ASB15: variants seen among roughly 807,000 people sequenced by gnomAD.
ASB15 encodes ankyrin repeat and SOCS box containing 15.
ASB15 carries 54 observed loss-of-function variants against 58.0 expected under a neutral mutation model. That is an observed-to-expected ratio of 0.93 (90% CI 0.75 to 1.17). The LOEUF (loss-of-function observed/expected upper bound fraction) is 1.17. Ranked by LOEUF, ASB15 falls within the 50% of genes most tolerant of loss-of-function variation. The pLI, the probability that ASB15 is intolerant of heterozygous loss-of-function variation, is 0.00. For missense variants in ASB15, 680 were observed against 707.4 expected, an observed-to-expected ratio of 0.96 and a Z score of 0.44; for synonymous variants, 249 against 262.4, an observed-to-expected ratio of 0.95 and a Z score of 0.50.
At position 123,617,724 on chromosome 7, in the gene ASB15, C is replaced by A; in HGVS notation, c.438C>A (p.Thr146=). 1 of 1,608,696 alleles carries A rather than the reference C, an allele frequency of 6.2e-7. No homozygotes were observed. Among genetic ancestry groups the A allele is most frequent in the Non-Finnish European group, 8.5e-7 (1 of 1,177,176 alleles). ...WPNTKNDKGE[T]PLLIAVKKGS... is the part of the protein sequence containing the mutation. Reference sequence around the variant, plus strand: ...ACACAAAAAATGATAAAGGAGAGACCCCCCTTCTGATTGGTAAATGACCTT... The same window carrying A: ...ACACAAAAAATGATAAAGGAGAGACACCCCTTCTGATTGGTAAATGACCTT... The change falls in exon 7 of 12, where the codon ACC becomes ACA. Residue 146 remains threonine, a synonymous_variant. Coordinates refer to ENST00000451215, the MANE Select transcript of ASB15 (RefSeq NM_001290258.2).
intron 4 of ASB15, among the ~76,000 whole-genome samples, chr7:123,614,826 A>G (rs74928344): frequency 0.051 from 7,786 of 152,326 alleles, 282 homozygotes; most frequent in Non-Finnish European, 0.08. Context: ...GAAAAACCCT[A>G]TGTGGAAAAT....
chr7:123,576,798 C>A (rs1393716743), intron 1 of ASB15, among the ~76,000 whole-genome samples: 1 of 152,192 alleles, frequency 6.6e-6, no homozygotes, highest in African/African-American at 2.4e-5. Context: ...TCTGCTGCCA[C>A]TAGGTTTTCT....
chr7:123,618,363 T>C (rs1207567401), intron 7 of ASB15, among the ~76,000 whole-genome samples: 1 of 152,172 alleles, frequency 6.6e-6, no homozygotes, highest in Non-Finnish European at 1.5e-5. Flanking sequence ...GAGATAACAT[T>C]TCCTTTCTCT....
intron 4 of ASB15, among the ~76,000 whole-genome samples, chr7:123,615,687 G>T (rs1330855232): frequency 1.3e-5 from 2 of 152,158 alleles, no homozygotes; most frequent in African/African-American, 4.8e-5. Flanking sequence ...TTGTGGAACA[G>T]TTGATTTAAA....
chr7:123,616,231 C>T lies in ASB15; in HGVS notation c.118C>T (p.Leu40=). 3 of 1,599,270 alleles carry T rather than the reference C, an allele frequency of 1.9e-6. No homozygotes were observed. The highest frequency in any genetic ancestry group is 2.6e-6 in the Non-Finnish European group (3 of 1,166,880). ...TTCTTTATCTCATAGATTTGTACCC[C>T]TAAGTGCTCAAAACAGAAAACTTGT... ...TALCPERFVP[L]SAQNRKLVEA... The change falls in exon 5 of 12, where the codon CTA becomes TTA. Residue 40 remains leucine, a synonymous_variant. Coordinates refer to ENST00000451215, the MANE Select transcript of ASB15 (RefSeq NM_001290258.2).
chr7:123,567,036 T>A lies in ASB15; in HGVS notation c.-495T>A, dbSNP rs534856658. On this transcript the variant is annotated 5_prime_UTR_variant, in exon 1 of 14. Coordinates refer to the ASB15 transcript ENST00000451558. ...ACCCTGGGTTCAGGCTTCTGCTGTA[T>A]CATATTTGCTAAAGACACCAAAACT... 2.6e-5 allele frequency: 4 copies of A among 152,352 alleles called. No individual in the cohort carries two copies. In the South Asian group the frequency reaches 8.3e-4, roughly 32 times the overall value. 9.4% of individuals were successfully genotyped at this position (152,352 alleles called of 1,614,324 possible).
intron 1 of ASB15, among the ~76,000 whole-genome samples, chr7:123,575,026 G>A (rs941681694): frequency 2.7e-5 from 4 of 149,558 alleles, no homozygotes; most frequent in Admixed American, 2.7e-4. Flanking sequence ...CAATGAGTTA[G>A]GCTTACTTGC....
At chr7:123,586,538 G>C (rs1187169154) in intron 1 of ASB15, among the ~76,000 whole-genome samples, 1 of 151,568 alleles carries the variant, frequency 6.6e-6, no homozygotes, top group Non-Finnish European at 1.5e-5. Context: ...CCTTTGCTGT[G>C]CAGAAACTTT....
At position 123,618,913 on chromosome 7, in the gene ASB15, T is replaced by C. The variant is rs558388955; in HGVS notation, c.451+1176T>C. On this transcript the variant is annotated intron_variant, in intron 7 of 11. Transcript: ENST00000451215. Reference sequence around the variant, plus strand: ...CACATTGGCCAGGCGCGGTGGCTCATGCCTGTAATCCCAGCACTTTGGGAG... The same window carrying C: ...CACATTGGCCAGGCGCGGTGGCTCACGCCTGTAATCCCAGCACTTTGGGAG... 5.3e-4 allele frequency among the ~76,000 whole-genome samples: 80 copies of C among 152,080 alleles called. 1 individual carries two copies. Among genetic ancestry groups the C allele is most frequent in the East Asian group, 2.5e-3 (13 of 5,172 alleles).
chr7:123,574,660 T>C (rs1386172469), intron 1 of ASB15, among the ~76,000 whole-genome samples: 1 of 152,114 alleles, frequency 6.6e-6, no homozygotes, highest in Admixed American at 6.6e-5. Flanking sequence ...TGAACCTCAT[T>C]CTACTTGCCA....
In ASB15 at chr7:123,616,236, T is replaced by C. The variant is rs751460710; in HGVS notation, c.123T>C (p.Ser41=). 1.2e-6 allele frequency: 2 copies of C among 1,602,222 alleles called. No homozygotes were observed. The highest frequency in any genetic ancestry group is 2.2e-5 in the South Asian group (2 of 90,790). ...TATCTCATAGATTTGTACCCCTAAG[T>C]GCTCAAAACAGAAAACTTGTGGAGG... The part of the protein sequence containing the change: ...ALCPERFVPL[S]AQNRKLVEAI... The change falls in exon 5 of 12, where the codon AGT becomes AGC. Residue 41 remains serine, a synonymous_variant. Coordinates refer to ENST00000451215, the MANE Select transcript of ASB15 (RefSeq NM_001290258.2).
Position 123,624,627 on chromosome 7 carries a change from A to G in ASB15, c.510A>G (p.Leu170=). 2 of 1,613,792 alleles carry G rather than the reference A, an allele frequency of 1.2e-6. No homozygotes were observed. Among genetic ancestry groups the G allele is most frequent in the Non-Finnish European group, 1.7e-6 (2 of 1,179,670 alleles). Residue 170 remains leucine (L), a synonymous_variant, in exon 8 of 12, where the codon CTA becomes CTG. Transcript: ENST00000451215. ...VSTLIKHNTS[L]DQPCVKRWSA... ...CTCTGATCAAACATAACACTAGCCT[A>G]GACCAGCCCTGTGTCAAGCGATGGT...
intron 7 of ASB15, among the ~76,000 whole-genome samples, 189 bp downstream of exon 7, chr7:123,617,926 TG>T (rs1177633885): frequency 1.3e-5 from 2 of 152,218 alleles, no homozygotes; most frequent in Admixed American, 1.3e-4. Flanking sequence ...ATATGAAAGA[TG>T]GCTACATCCT....
At chr7:123,592,811 G>C (rs146545416) in intron 1 of ASB15, among the ~76,000 whole-genome samples, 11,058 of 151,128 alleles carry the variant, frequency 0.073, 456 homozygotes, top group African/African-American at 0.096. Flanking sequence ...CTGAATTCAA[G>C]TCCTGGATAT....
intron 4 of ASB15, among the ~76,000 whole-genome samples, chr7:123,614,917 A>G (rs1350803350): frequency 1.3e-5 from 2 of 152,020 alleles, no homozygotes; most frequent in African/African-American, 4.8e-5. Flanking sequence ...TAATTTGAAC[A>G]TATTTGCAAG....
At chr7:123,633,796 A>G (rs1159662245) in intron 11 of ASB15, among the ~76,000 whole-genome samples, 1 of 152,158 alleles carries the variant, frequency 6.6e-6, no homozygotes, top group Non-Finnish European at 1.5e-5. Flanking sequence ...GTTTTTGAGA[A>G]ATGGATGATT....
rs1801844081 is a variant in ASB15 at position 123,627,156 on chromosome 7, T to C, written c.744T>C (p.Phe248=). Residue 248 remains phenylalanine (F), a synonymous_variant, in exon 9 of 12, where the codon TTT becomes TTC. Transcript: ENST00000451215. ...ALADDGASVL[F]EAAGGGNPDC... Reference sequence around the variant, plus strand: ...CGGATGATGGGGCGTCGGTGCTGTTTGAGGCAGCAGGAGGTGGCAATCCCG... The same window carrying C: ...CGGATGATGGGGCGTCGGTGCTGTTCGAGGCAGCAGGAGGTGGCAATCCCG... 1.9e-6 allele frequency: 3 copies of C among 1,614,014 alleles called. No individual in the cohort carries two copies. In the African/African-American group the frequency reaches 4.0e-5, roughly 22 times the overall value.
chr7:123,616,557 T>G, intron 6 of ASB15, 62 bp downstream of exon 6: 1 of 1,516,656 alleles, frequency 6.6e-7, no homozygotes, highest in Non-Finnish European at 9.0e-7. Flanking sequence ...GTTGATGTTA[T>G]AAGTGTTTTC....
At chr7:123,578,375 T>A (rs1799127102) in intron 1 of ASB15, among the ~76,000 whole-genome samples, 1 of 151,866 alleles carries the variant, frequency 6.6e-6, no homozygotes, top group Non-Finnish European at 1.5e-5. Context: ...AGGAAGTAAT[T>A]TGCCTTGGCC....
Sources: gnomAD v4.1 joint callset for allele counts (sites outside exome capture counted in the v4.1 genomes callset) on GRCh38, gnomAD v4.1.1 for gene constraint, MANE v1.5 for transcripts, NCBI Gene and HGNC (gene_info 2026-07-23, HGNC 2026-07-21) for gene names.